The following MGAM2 variants were observed in gnomAD, a reference collection of about 807,000 sequenced individuals.
MGAM2 encodes maltase-glucoamylase 2 (putative), also known as probable maltase-glucoamylase 2.
A neutral mutation model predicts 96.1 loss-of-function variants in MGAM2; 98 were observed. That is an observed-to-expected ratio of 1.02 (90% CI 0.87 to 1.21). The LOEUF is 1.21. Among genes scored for constraint, MGAM2 ranks in the 50% most tolerant of loss-of-function variants. The pLI is 0.00. For missense variants in MGAM2, 2,055 were observed against 1,182.4 expected, an observed-to-expected ratio of 1.74 and a Z score of -10.82; for synonymous variants, 749 against 414.8, an observed-to-expected ratio of 1.81 and a Z score of -9.79.
chr7:142,216,757 C>T (rs1283113576), intron 46 of MGAM2, among the ~76,000 whole-genome samples: 1 of 152,180 alleles, frequency 6.6e-6, no homozygotes, highest in Non-Finnish European at 1.5e-5. Flanking sequence ...TGCCCAGTAG[C>T]AAAAGTCTTG....
At chr7:142,169,511 A>G (rs1033749204) in intron 26 of MGAM2, among the ~76,000 whole-genome samples, 6 of 152,190 alleles carry the variant, frequency 3.9e-5, no homozygotes, top group African/African-American at 1.4e-4. Context: ...GTCACTCATA[A>G]TGTTGTAACT....
chr7:142,195,737 C>T (rs887110707), intron 37 of MGAM2, among the ~76,000 whole-genome samples: 2 of 152,036 alleles, frequency 1.3e-5, no homozygotes, highest in Non-Finnish European at 2.9e-5. Context: ...CAGGCGAATG[C>T]CTTTCTAACT....
intron 22 of MGAM2, among the ~76,000 whole-genome samples, chr7:142,161,582 T>C (rs534105055): frequency 1.6e-4 from 24 of 152,350 alleles, no homozygotes; most frequent in Admixed American, 1.5e-3. Context: ...GTCTTTTCAC[T>C]GTAAGGTTTC....
At chr7:142,152,992 C>CTTTTT (rs10559271) in intron 15 of MGAM2, among the ~76,000 whole-genome samples, 3 of 117,120 alleles carry the variant, frequency 2.6e-5, no homozygotes, top group Non-Finnish European at 3.7e-5. Context: ...GCTTTTATTC[C>CTTTTT]TTTTTTTTTT....
At chr7:142,161,045 C>T (rs1483279664) in intron 21 of MGAM2, 80 bp from the exon 22 acceptor site, 3 of 674,906 alleles carry the variant, frequency 4.4e-6, no homozygotes, top group Non-Finnish European at 8.1e-6. Flanking sequence ...GATTATCTGT[C>T]CCTGGGGGAT....
At chr7:142,149,584 A>G (rs1392685398) in intron 15 of MGAM2, among the ~76,000 whole-genome samples, 1 of 151,434 alleles carries the variant, frequency 6.6e-6, no homozygotes, top group African/African-American at 2.4e-5. Context: ...TCTGTCGCCC[A>G]GGCTGGAGTG....
At chr7:142,170,305 ATAT>A in intron 27 of MGAM2, 76 bp downstream of exon 27, 1 of 602,948 alleles carries the variant, frequency 1.7e-6, no homozygotes, top group Middle Eastern at 2.6e-4. Flanking sequence ...TTCAAGTGAA[ATAT>A]TAATCTCAGA....
At chr7:142,207,990 T>C (rs1041662248) in intron 45 of MGAM2, among the ~76,000 whole-genome samples, 2 of 152,146 alleles carry the variant, frequency 1.3e-5, no homozygotes, top group African/African-American at 4.8e-5. Flanking sequence ...GATGACGACT[T>C]TGACGACAGT....
rs144830276 is a variant in MGAM2 at position 142,135,723 on chromosome 7, T to TACACACACACACACACACAC, written c.748-806_748-787dup. ...CTTTTATTCTTACAGCACTTAGAGT[T>TACACACACACACACACACAC]ACACACACACACACACACACACACA... On this transcript the variant is annotated intron_variant, in intron 7 of 47. Coordinates refer to ENST00000477922, the MANE Select transcript of MGAM2 (RefSeq NM_001293626.2). Among the ~76,000 whole-genome samples the TACACACACACACACACACAC allele has an allele frequency of 1.1e-3, 159 of 145,196 alleles. 1 individual carries two copies. Among genetic ancestry groups the TACACACACACACACACACAC allele is most frequent in the South Asian group, 8.3e-3 (37 of 4,466 alleles).
At chr7:142,185,929 A>G (rs1796680127) in intron 34 of MGAM2, 60 bp from the exon 35 acceptor site, 9 of 677,236 alleles carry the variant, frequency 1.3e-5, no homozygotes, top group Admixed American at 4.2e-5. Flanking sequence ...TTCATCTCCC[A>G]TTTGTGGTCT....
chr7:142,171,856 C>T (rs1396799671), intron 28 of MGAM2, among the ~76,000 whole-genome samples: 1 of 151,286 alleles, frequency 6.6e-6, no homozygotes, highest in Non-Finnish European at 1.5e-5. Flanking sequence ...TGTGATAGCA[C>T]AGTGGAATCA....
At chr7:142,128,466 G>A (rs1040990958) in intron 3 of MGAM2, among the ~76,000 whole-genome samples, 11 of 152,204 alleles carry the variant, frequency 7.2e-5, no homozygotes, top group Admixed American at 2.0e-4. Flanking sequence ...GCTCCAGGGC[G>A]TCAGAGGTCT....
Position 142,161,942 on chromosome 7 carries a change from C to G in MGAM2, c.2435-13C>G, listed in dbSNP as rs529682388. On this transcript the variant is annotated splice_polypyrimidine_tract_variant and intron_variant, in intron 22 of 47. Transcript: ENST00000477922. ...GCTTCCCATAGTAACCGGTACTCCT[C>G]TTTCTTTTTTAGATGCTGTGACTGA... The G allele has an allele frequency of 8.7e-6, 6 of 691,318 alleles. No homozygotes were observed. The East Asian group carries it at 1.6e-4, about 19-fold the overall frequency. 42.8% of individuals were successfully genotyped at this position (691,318 alleles called of 1,614,324 possible).
intron 46 of MGAM2, among the ~76,000 whole-genome samples, chr7:142,215,469 A>C (rs1321969425): frequency 3.3e-5 from 5 of 152,100 alleles, no homozygotes; most frequent in East Asian, 3.9e-4. Flanking sequence ...AAAAAAAAAA[A>C]AAAACATTTG....
At chr7:142,170,023 G>A (rs1585183178) in intron 26 of MGAM2, 52 bp from the exon 27 acceptor site, 3 of 658,280 alleles carry the variant, frequency 4.6e-6, no homozygotes, top group Admixed American at 4.8e-5. Context: ...GTGGCATGAG[G>A]GGTTTTAGGT....
intron 26 of MGAM2, among the ~76,000 whole-genome samples, chr7:142,168,179 C>T (rs144787667): frequency 1.6e-3 from 238 of 152,204 alleles, no homozygotes; most frequent in African/African-American, 5.5e-3. Context: ...ACCTTCAGAT[C>T]ATTTTAAAAC....
intron 17 of MGAM2, among the ~76,000 whole-genome samples, chr7:142,156,641 G>A (rs1432817089): frequency 6.6e-6 from 1 of 152,194 alleles, no homozygotes; most frequent in Non-Finnish European, 1.5e-5. Flanking sequence ...GGGTGATGGA[G>A]GCTGTGGAGT....
chr7:142,124,780 T>C (rs1373709333), intron 3 of MGAM2, among the ~76,000 whole-genome samples: 1 of 152,158 alleles, frequency 6.6e-6, no homozygotes, highest in African/African-American at 2.4e-5. Context: ...CTTTTGCACA[T>C]GGTTTTGCTA....
intron 37 of MGAM2, among the ~76,000 whole-genome samples, chr7:142,193,419 C>G (rs1425059227): frequency 2.6e-5 from 4 of 152,118 alleles, no homozygotes; most frequent in Non-Finnish European, 5.9e-5. Context: ...AAGCACTGAA[C>G]CATTTTTATT....
Sources: allele counts gnomAD v4.1 joint callset (sites outside exome capture counted in the v4.1 genomes callset), GRCh38; gene constraint gnomAD v4.1.1; transcripts MANE v1.5; gene names NCBI Gene and HGNC (gene_info 2026-07-23, HGNC 2026-07-21).